Variants in DNAH5 observed in about 807,000 individuals in gnomAD.
DNAH5 encodes dynein axonemal heavy chain 5, also known as axonemal beta dynein heavy chain 5.
A neutral mutation model predicts 518.2 loss-of-function variants in DNAH5; 372 were observed. That is an observed-to-expected ratio of 0.72 (90% CI 0.66 to 0.78). The LOEUF (loss-of-function observed/expected upper bound fraction) is 0.78, where lower values mean the gene tolerates loss of function less well. Ranked by LOEUF, DNAH5 falls within the 30% of genes least tolerant of loss-of-function variation. The pLI is 0.00. For synonymous variants in DNAH5, 2,039 were observed against 2,025.9 expected, an observed-to-expected ratio of 1.01 and a Z score of -0.17; for missense variants, 5,523 against 5,687.0, an observed-to-expected ratio of 0.97 and a Z score of 0.93.
chr5:13,941,855 C>T (rs1314468214), intron 1 of DNAH5, among the ~76,000 whole-genome samples: 1 of 152,220 alleles, frequency 6.6e-6, no homozygotes, highest in Non-Finnish European at 1.5e-5. Context: ...ATTTTAAAAC[C>T]AGCTTTGCAA....
At position 13,865,721 on chromosome 5, in the gene DNAH5, C is replaced by A; in HGVS notation, c.4302G>T (p.Trp1434Cys). ...ETVNSYYDILWSEVNIEKINN... is the reference protein window; with the variant it reads ...ETVNSYYDILCSEVNIEKINN... ...TAATTTTTTCAATATTCACCTCTGACCAAAGAATATCATAATAGCTATTTA... is the reference window on the plus strand; with the variant it reads ...TAATTTTTTCAATATTCACCTCTGAACAAAGAATATCATAATAGCTATTTA... The change falls in exon 27 of 79, where the codon TGG (tryptophan) becomes TGT (cysteine). Residue 1434 changes from tryptophan (W) to cysteine (C), a missense_variant. By Grantham distance (215) the Trp-to-Cys change is radical (BLOSUM62 -2). This residue lies in a region of DNAH5 where 5,121 missense variants were observed against 5,223.3 expected (regional missense o/e 0.98). Transcript: ENST00000265104. The A allele has an allele frequency of 6.2e-7, 1 of 1,606,152 alleles. No individual in the cohort carries two copies.
rs74343110 is a variant in DNAH5 at position 13,782,371 on chromosome 5, A to G, written c.8821-1412T>C. Among the ~76,000 whole-genome samples, 518 of 152,240 alleles carry G rather than the reference A, an allele frequency of 3.4e-3. 1 individual carries two copies. The highest frequency in any genetic ancestry group is 0.012 in the African/African-American group (483 of 41,508). On this transcript the variant is annotated intron_variant, in intron 52 of 78. Coordinates refer to ENST00000265104, the MANE Select transcript of DNAH5 (RefSeq NM_001369.3). ...TCCCCAGTTTAGTGTGAACCTGGGG[A>G]AAAGGAGAACATATTTTCCATCTCT... is the stretch of plus-strand genomic sequence containing the variant.
At chr5:13,849,423 A>G (rs1483230966) in intron 31 of DNAH5, among the ~76,000 whole-genome samples, 3 of 152,224 alleles carry the variant, frequency 2.0e-5, no homozygotes, top group Admixed American at 1.3e-4. Context: ...AAGCAGATGG[A>G]GACTCCGCTC....
intron 7 of DNAH5, among the ~76,000 whole-genome samples, chr5:13,917,546 G>A (rs1177899008): frequency 6.6e-6 from 1 of 152,138 alleles, no homozygotes; most frequent in East Asian, 1.9e-4. Flanking sequence ...GTTCTCCCCT[G>A]CACTGGTTAG....
intron 16 of DNAH5, 31 bp from the exon 17 acceptor site, chr5:13,891,152 G>C (rs777347534): frequency 1.1e-5 from 18 of 1,612,066 alleles, no homozygotes; most frequent in Non-Finnish European, 1.5e-5. Context: ...AAATAAAAGA[G>C]ATTAGGTAAA....
rs777900844 is a variant in DNAH5, at chr5:13,973,736, AAC to A, written c.12+37910_12+37911del. Reference sequence around the variant, plus strand: ...TCACTTATGTTAAAAAAAAAAAAAAAACAAAAAACTTGGCAAATAGAACCAAA... The same window carrying A: ...TCACTTATGTTAAAAAAAAAAAAAAAAAAAAACTTGGCAAATAGAACCAAA... On this transcript the variant is annotated intron_variant, in intron 1 of 78. Transcript: ENST00000681290. Among the ~76,000 whole-genome samples the A allele has an allele frequency of 5.5e-3, 781 of 141,034 alleles. 7 individuals carry two copies. The highest frequency in any genetic ancestry group is 0.017 in the South Asian group (75 of 4,318). The allele number at this position is 141,034 out of a possible 152,430, so 92.5% of individuals were successfully genotyped here.
chr5:13,847,140 C>A (rs943799167), intron 31 of DNAH5, among the ~76,000 whole-genome samples: 3 of 152,104 alleles, frequency 2.0e-5, no homozygotes. Flanking sequence ...TACCGCAACT[C>A]CGATTACGAT....
intron 32 of DNAH5, among the ~76,000 whole-genome samples, chr5:13,843,747 G>A (rs541278903): frequency 2.0e-5 from 3 of 152,102 alleles, no homozygotes; most frequent in Non-Finnish European, 4.4e-5. Flanking sequence ...CACCTGCAAG[G>A]TTATATTCTA....
rs1561407249 is a variant in DNAH5 at position 13,842,437 on chromosome 5, A to AGAGAGAGAGAGAGAGAGAGAGAGAG, written c.5272-534_5272-533insCTCTCTCTCTCTCTCTCTCTCTCTC. Among the ~76,000 whole-genome samples the AGAGAGAGAGAGAGAGAGAGAGAGAG allele has an allele frequency of 1.0e-3, 95 of 91,394 alleles. 5 individuals carry two copies. Among genetic ancestry groups the AGAGAGAGAGAGAGAGAGAGAGAGAG allele is most frequent in the Middle Eastern group, 5.3e-3 (1 of 190 alleles). 60.0% of individuals were successfully genotyped at this position (91,394 alleles called of 152,430 possible). ...GAAAAGAAAAGAAAAGAAAGAAAGA[A>AGAGAGAGAGAGAGAGAGAGAGAGAG]AGAAAGAAAGAAAGAAAGAAAGAAA... is the stretch of plus-strand genomic sequence containing the variant. On this transcript the variant is annotated intron_variant, in intron 32 of 78. Coordinates refer to ENST00000265104, the MANE Select transcript of DNAH5 (RefSeq NM_001369.3).
intron 70 of DNAH5, 30 bp from the exon 71 acceptor site, chr5:13,721,275 AG>A (rs754062733): frequency 1.1e-5 from 18 of 1,613,772 alleles, no homozygotes; most frequent in Non-Finnish European, 1.5e-5. Flanking sequence ...AGTCAGTAAA[AG>A]TCATTCCAAC....
At position 13,911,507 on chromosome 5, in the gene DNAH5, A is replaced by G. The variant is rs779330960; in HGVS notation, c.1537-14T>C. ...TGCCACAATGCCCTGAAATATTATG[A>G]GATAAATTAGATAATATTTCAATAT... On this transcript the variant is annotated splice_polypyrimidine_tract_variant and intron_variant, in intron 11 of 78. Transcript: ENST00000265104. The G allele has an allele frequency of 4.5e-6, 7 of 1,557,302 alleles. No homozygotes were observed. In the South Asian group the frequency reaches 6.7e-5, roughly 15 times the overall value.
At chr5:13,978,802 T>C (rs1468870873) in intron 1 of DNAH5, among the ~76,000 whole-genome samples, 2 of 152,212 alleles carry the variant, frequency 1.3e-5, no homozygotes, top group Non-Finnish European at 2.9e-5. Context: ...GATGAAATTG[T>C]GTAATGGCAC....
At chr5:13,990,678 G>A (rs1298598049) in intron 1 of DNAH5, among the ~76,000 whole-genome samples, 1 of 152,078 alleles carries the variant, frequency 6.6e-6, no homozygotes, top group Non-Finnish European at 1.5e-5. Flanking sequence ...GACCAGCCTG[G>A]CCAACATGGG....
rs140832239 is a variant in DNAH5 at position 13,721,028 on chromosome 5, C to T, written c.12251G>A (p.Arg4084Gln). 278 of 1,614,066 alleles carry T rather than the reference C, an allele frequency of 1.7e-4. No individual in the cohort carries two copies. The highest frequency in any genetic ancestry group is 2.1e-4 in the Non-Finnish European group (249 of 1,179,978). Reference sequence around the variant, plus strand: ...CGCCATGGTCTGCTGCAAGAGCTTCCGAGCATGGACTTCCTGGCCCTGGCC... The same window carrying T: ...CGCCATGGTCTGCTGCAAGAGCTTCTGAGCATGGACTTCCTGGCCCTGGCC... ...SMGQGQEVHA[R>Q]KLLQQTMANG... The change falls in exon 71 of 79, where the codon CGG (arginine) becomes CAG (glutamine). Residue 4084 changes from arginine to glutamine, a missense_variant. Coordinates refer to ENST00000265104, the MANE Select transcript of DNAH5 (RefSeq NM_001369.3).
chr5:13,917,184 T>C lies in DNAH5; in HGVS notation c.1048A>G (p.Thr350Ala), dbSNP rs781702550. 13 of 1,613,942 alleles carry C rather than the reference T, an allele frequency of 8.1e-6. No individual in the cohort carries two copies. Among genetic ancestry groups the C allele is most frequent in the Non-Finnish European group, 8.5e-6 (10 of 1,179,958 alleles). ...EAKDNVKYLY[T>A]LEKCCDPLYS... ...AAAGGGTCACAACATTTTTCAAGTGTATACAAGTATTTCACATTGTCCTTT... is the reference window on the plus strand; with the variant it reads ...AAAGGGTCACAACATTTTTCAAGTGCATACAAGTATTTCACATTGTCCTTT... Residue 350 changes from threonine (T) to alanine (A), a missense_variant, in exon 8 of 79, where the codon ACA becomes GCA. Coordinates refer to ENST00000265104, the MANE Select transcript of DNAH5 (RefSeq NM_001369.3).
At chr5:13,858,303 A>C (rs2591558) in intron 30 of DNAH5, among the ~76,000 whole-genome samples, 125,156 of 152,050 alleles carry the variant, frequency 0.82, 52,044 homozygotes, top group Non-Finnish European at 0.88. Context: ...TCATTCTCAG[A>C]AAACTAGCAC....
chr5:13,765,924 A>G, intron 59 of DNAH5, 52 bp downstream of exon 59: 2 of 1,520,882 alleles, frequency 1.3e-6, no homozygotes, highest in Non-Finnish European at 1.8e-6. Flanking sequence ...AAGGACTCAT[A>G]CACCAGTGAA....
intron 1 of DNAH5, among the ~76,000 whole-genome samples, chr5:13,973,191 G>A (rs1028247363): frequency 6.6e-6 from 1 of 152,148 alleles, no homozygotes; most frequent in African/African-American, 2.4e-5. Context: ...AATGCCAGAG[G>A]GAGGCCAGGA....
intron 19 of DNAH5, among the ~76,000 whole-genome samples, chr5:13,884,348 TC>T (rs1310133494): frequency 6.6e-6 from 1 of 152,230 alleles, no homozygotes; most frequent in Non-Finnish European, 1.5e-5. Flanking sequence ...TTATATTTTT[TC>T]ATCTTATTAC....
Sources: gnomAD v4.1 joint callset for allele counts (sites outside exome capture counted in the v4.1 genomes callset) on GRCh38, gnomAD v4.1.1 for gene constraint, gnomAD v4.1.1 regional missense constraint, MANE v1.5 for transcripts, NCBI Gene and HGNC (gene_info 2026-07-23, HGNC 2026-07-21) for gene names.